The following BRINP1 variants were observed in gnomAD, a reference collection of about 807,000 sequenced individuals.
The protein encoded by BRINP1 is BMP/retinoic acid-inducible neural-specific protein 1.
A neutral mutation model predicts 72.9 loss-of-function variants in BRINP1; 17 were observed. The observed-to-expected ratio is 0.23, with a 90% CI of 0.16 to 0.35. BRINP1 has a LOEUF of 0.35. Among genes scored for constraint, BRINP1 ranks in the 10% least tolerant of loss-of-function variants. The pLI is 1.00. For missense variants in BRINP1, 850 were observed against 1,001.6 expected (o/e 0.85, Z 2.04); for synonymous variants, 418 against 378.5 (o/e 1.10, Z -1.21).
chr9:119,174,212 A>G lies in BRINP1; in HGVS notation c.1146-5988T>C, dbSNP rs548275119. Among the ~76,000 whole-genome samples, 5 of 149,844 alleles carry G rather than the reference A, an allele frequency of 3.3e-5. No homozygotes were observed. The South Asian group carries it at 1.1e-3, about 32-fold the overall frequency. ...GAATGGGAGAAAATTTTTGCAACCT[A>G]CTCATCTGACAAAGGGCTAATATCC... On this transcript the variant is annotated intron_variant, in intron 7 of 7. Coordinates refer to ENST00000265922, the MANE Select transcript of BRINP1 (RefSeq NM_014618.3).
chr9:119,345,964 A>C (rs1831447337), intron 1 of BRINP1, among the ~76,000 whole-genome samples: 1 of 152,262 alleles, frequency 6.6e-6, no homozygotes, highest in African/African-American at 2.4e-5. Flanking sequence ...GAGATTGCAC[A>C]GCTAGTTAGA....
chr9:119,253,780 A>C (rs1274734590), intron 2 of BRINP1, among the ~76,000 whole-genome samples: 1 of 152,186 alleles, frequency 6.6e-6, no homozygotes, highest in Non-Finnish European at 1.5e-5. Flanking sequence ...GTCTGTGTGT[A>C]CCTGTAATAC....
intron 2 of BRINP1, among the ~76,000 whole-genome samples, chr9:119,276,720 C>T (rs973933230): frequency 3.3e-5 from 5 of 152,182 alleles, no homozygotes; most frequent in Non-Finnish European, 5.9e-5. Flanking sequence ...ATAGCTGGGT[C>T]AAACGATTTG....
chr9:119,208,600 C>G, intron 7 of BRINP1, 119 bp downstream of exon 7: 1 of 979,054 alleles, frequency 1.0e-6, no homozygotes, highest in South Asian at 1.5e-5. Context: ...CTGGACCATG[C>G]GAGGTCCTGT....
intron 1 of BRINP1, among the ~76,000 whole-genome samples, chr9:119,323,529 A>G (rs1233343716): frequency 1.3e-5 from 2 of 152,204 alleles, no homozygotes; most frequent in Non-Finnish European, 2.9e-5. Context: ...CCAAAGGATA[A>G]GTGACAGGCA....
At chr9:119,252,050 A>G (rs1272104963) in intron 2 of BRINP1, among the ~76,000 whole-genome samples, 1 of 151,448 alleles carries the variant, frequency 6.6e-6, no homozygotes, top group Non-Finnish European at 1.5e-5. Context: ...TGTTTCTTGC[A>G]TTGGCTTTCC....
intron 2 of BRINP1, among the ~76,000 whole-genome samples, chr9:119,260,905 C>G (rs1830488798): frequency 6.6e-6 from 1 of 152,116 alleles, no homozygotes; most frequent in African/African-American, 2.4e-5. Flanking sequence ...AAGGCATCAT[C>G]AATTTTCCTA....
chr9:119,305,704 GT>G, intron 2 of BRINP1, among the ~76,000 whole-genome samples: 1 of 152,042 alleles, frequency 6.6e-6, no homozygotes, highest in Non-Finnish European at 1.5e-5. Context: ...TGCAATGTAA[GT>G]TCCCATTCCC....
chr9:119,233,287 G>A (rs1242778450), intron 5 of BRINP1, among the ~76,000 whole-genome samples: 1 of 151,726 alleles, frequency 6.6e-6, no homozygotes, highest in Non-Finnish European at 1.5e-5. Flanking sequence ...TCTAGGCCCT[G>A]GTTTCTTCAC....
intron 7 of BRINP1, among the ~76,000 whole-genome samples, chr9:119,184,554 C>G (rs1268308403): frequency 6.6e-6 from 1 of 152,118 alleles, no homozygotes; most frequent in African/African-American, 2.4e-5. Flanking sequence ...CTTGGTTGCT[C>G]AAATTATACC....
At chr9:119,221,362 G>T (rs1028715763) in intron 5 of BRINP1, among the ~76,000 whole-genome samples, 2 of 152,096 alleles carry the variant, frequency 1.3e-5, no homozygotes, top group African/African-American at 2.4e-5. Context: ...GGACTTTATG[G>T]CTCCAACAGC....
intron 2 of BRINP1, among the ~76,000 whole-genome samples, chr9:119,256,024 G>T (rs917866544): frequency 4.0e-5 from 6 of 150,118 alleles, no homozygotes; most frequent in Non-Finnish European, 8.9e-5. Context: ...CTCTTGGGAC[G>T]GTGTATTCAT....
chr9:119,169,032 A>G (rs1043636387), intron 7 of BRINP1, among the ~76,000 whole-genome samples: 1 of 152,194 alleles, frequency 6.6e-6, no homozygotes, highest in African/African-American at 2.4e-5. Context: ...CATGTACACG[A>G]TGTTTATTGC....
At position 119,368,256 on chromosome 9, in the gene BRINP1, C is replaced by T. The variant is rs191034879; in HGVS notation, c.-51+800G>A. ...AGATAAGGAGCCCACCGCTGACTTC[C>T]CCCTTTCTCTGTCACCCACTATCCA... On this transcript the variant is annotated intron_variant, in intron 1 of 7. Transcript: ENST00000265922. This position sits in a 1 kb window ranked among gnomAD's most constrained non-coding sequence, Gnocchi z 4.7. 6.6e-6 allele frequency among the ~76,000 whole-genome samples: 1 copy of T among 152,282 alleles called. No individual in the cohort carries two copies. The highest frequency in any genetic ancestry group is 1.5e-5 in the Non-Finnish European group (1 of 68,024).
intron 6 of BRINP1, among the ~76,000 whole-genome samples, chr9:119,212,749 G>C (rs181274521): frequency 6.6e-6 from 1 of 152,260 alleles, no homozygotes; most frequent in Non-Finnish European, 1.5e-5. Context: ...TACCTGCTTG[G>C]CATCTCTTCT....
In BRINP1 at chr9:119,266,857, G is replaced by A. The variant is rs530849730; in HGVS notation, c.219-17707C>T. On this transcript the variant is annotated intron_variant, in intron 2 of 7. Coordinates refer to ENST00000265922, the MANE Select transcript of BRINP1 (RefSeq NM_014618.3). ...TTTCTTTTTTAAGGCTGAATAGGAG[G>A]ACTTCAGATTTTGTATTAAGTGAGA... 3.3e-5 allele frequency among the ~76,000 whole-genome samples: 5 copies of A among 152,328 alleles called. No individual in the cohort carries two copies. The South Asian group carries it at 1.0e-3, about 32-fold the overall frequency.
chr9:119,247,470 TG>T (rs1830333044), intron 3 of BRINP1, among the ~76,000 whole-genome samples: 1 of 150,644 alleles, frequency 6.6e-6, no homozygotes, highest in Non-Finnish European at 1.5e-5. Context: ...GTCAACACGG[TG>T]AAACCCCGTC....
intron 7 of BRINP1, among the ~76,000 whole-genome samples, chr9:119,188,691 A>G (rs915510095): frequency 1.3e-5 from 2 of 152,160 alleles, no homozygotes; most frequent in Non-Finnish European, 2.9e-5. Context: ...CTGAGGTGGG[A>G]GGATCACTTG....
chr9:119,176,426 G>A (rs551232702), intron 7 of BRINP1, among the ~76,000 whole-genome samples: 10 of 152,256 alleles, frequency 6.6e-5, no homozygotes, highest in Non-Finnish European at 7.4e-5. Context: ...CCACTGATGA[G>A]CCACAATCCC....
Sources: allele counts gnomAD v4.1 joint callset (sites outside exome capture counted in the v4.1 genomes callset), GRCh38; gene constraint gnomAD v4.1.1; non-coding constraint Gnocchi (gnomAD v3.1); transcripts MANE v1.5; gene names NCBI Gene and HGNC (gene_info 2026-07-23, HGNC 2026-07-21).